Variants in CHCHD6 observed in about 807,000 individuals in gnomAD.
CHCHD6 encodes coiled-coil-helix-coiled-coil-helix domain containing 6, also known as MICOS complex subunit MIC25.
A neutral mutation model predicts 32.3 loss-of-function variants in CHCHD6; 28 were observed. The observed-to-expected ratio is 0.87, with a 90% confidence interval of 0.64 to 1.19. The LOEUF (loss-of-function observed/expected upper bound fraction) is 1.19. CHCHD6 is among the 50% of genes most tolerant of loss of function. The pLI is 0.00. For synonymous variants in CHCHD6, 122 were observed against 117.5 expected (o/e 1.04, Z -0.25); for missense variants, 333 against 307.0 (o/e 1.08, Z -0.63).
intron 4 of CHCHD6, among the ~76,000 whole-genome samples, chr3:126,838,003 G>A (rs74795046): frequency 0.018 from 2,744 of 152,294 alleles, 30 homozygotes; most frequent in Middle Eastern, 0.051. Flanking sequence ...TCCCAGCCAT[G>A]GGCACCATGT....
intron 5 of CHCHD6, among the ~76,000 whole-genome samples, chr3:126,863,293 ACCTCCT>A (rs1204625102): frequency 5.6e-5 from 6 of 106,200 alleles, no homozygotes; most frequent in African/African-American, 7.7e-5. Context: ...CATCATCACC[ACCTCCT>A]CCTCCTCCTC....
At chr3:126,955,067 T>C (rs541342447) in intron 6 of CHCHD6, among the ~76,000 whole-genome samples, 1 of 152,340 alleles carries the variant, frequency 6.6e-6, no homozygotes, top group South Asian at 2.1e-4. Flanking sequence ...AAGCTGTATG[T>C]GCAGTCCCTG....
chr3:126,960,145 G>A (rs2078840478), intron 7 of CHCHD6, 51 bp from the exon 8 acceptor site: 1 of 1,550,948 alleles, frequency 6.4e-7, no homozygotes, highest in Non-Finnish European at 8.7e-7. Flanking sequence ...CGGAGCTGGA[G>A]GGCATGGGCG....
intron 5 of CHCHD6, among the ~76,000 whole-genome samples, chr3:126,893,058 A>G (rs1480018709): frequency 3.3e-5 from 5 of 151,816 alleles, no homozygotes. Flanking sequence ...AACGTCCACC[A>G]CCTGGGTTCA....
At chr3:126,867,196 T>A (rs868816034) in intron 5 of CHCHD6, among the ~76,000 whole-genome samples, 1 of 152,182 alleles carries the variant, frequency 6.6e-6, no homozygotes, top group South Asian at 2.1e-4. Context: ...GAGGTGAAAT[T>A]GTCATGCAAG....
intron 4 of CHCHD6, among the ~76,000 whole-genome samples, chr3:126,822,664 CT>C (rs1300968778): frequency 6.6e-6 from 1 of 152,214 alleles, no homozygotes; most frequent in African/African-American, 2.4e-5. Context: ...TTAAATCTTT[CT>C]CATTTAGGTC....
chr3:126,713,973 A>G (rs2107650994), intron 1 of CHCHD6, among the ~76,000 whole-genome samples: 1 of 146,524 alleles, frequency 6.8e-6, no homozygotes, highest in African/African-American at 2.5e-5. Context: ...GCTACTTGGG[A>G]GGCTGAGGCA....
At chr3:126,826,618 A>G (rs1940403962) in intron 4 of CHCHD6, among the ~76,000 whole-genome samples, 1 of 152,086 alleles carries the variant, frequency 6.6e-6, no homozygotes, top group South Asian at 2.1e-4. Context: ...AGGCATCATT[A>G]TTTCCCTGAG....
At chr3:126,756,774 C>T (rs1358339084) in intron 4 of CHCHD6, among the ~76,000 whole-genome samples, 1 of 152,182 alleles carries the variant, frequency 6.6e-6, no homozygotes, top group Non-Finnish European at 1.5e-5. Context: ...TACAGCAGAA[C>T]AGAACAAAGC....
At chr3:126,786,397 C>T (rs570232017) in intron 4 of CHCHD6, among the ~76,000 whole-genome samples, 5 of 152,270 alleles carry the variant, frequency 3.3e-5, no homozygotes, top group Admixed American at 2.0e-4. Flanking sequence ...CCTGAGGAAT[C>T]GCCACACTGA....
At chr3:126,933,841 G>A (rs144172705) in intron 6 of CHCHD6, among the ~76,000 whole-genome samples, 2 of 152,238 alleles carry the variant, frequency 1.3e-5, no homozygotes, top group East Asian at 3.9e-4. Context: ...TAGAAAATTT[G>A]ATGTTTTTAT....
rs1220655145 is a variant in CHCHD6 at position 126,828,196 on chromosome 3, G to A, written c.412-24451G>A. 5.3e-5 allele frequency among the ~76,000 whole-genome samples: 8 copies of A among 152,146 alleles called. No homozygotes were observed. In the East Asian group the frequency reaches 1.5e-3, roughly 29 times the overall value. On this transcript the variant is annotated intron_variant, in intron 4 of 7. Transcript: ENST00000290913. ...CCTGGAAATTTCATCTTACCTCGTG[G>A]TTTCAGTTATCTTCTGTAAGCTAAG...
At chr3:126,734,321 C>T (rs967623784) in intron 4 of CHCHD6, among the ~76,000 whole-genome samples, 3 of 152,202 alleles carry the variant, frequency 2.0e-5, no homozygotes, top group Non-Finnish European at 4.4e-5. Context: ...CATCTAATAA[C>T]ATCTGCTGGA....
At chr3:126,765,858 T>C (rs1449717815) in intron 4 of CHCHD6, among the ~76,000 whole-genome samples, 2 of 152,126 alleles carry the variant, frequency 1.3e-5, no homozygotes, top group Non-Finnish European at 2.9e-5. Flanking sequence ...ACACTGCAGA[T>C]TATAGGCAGC....
At chr3:126,844,917 AGGAAT>A (rs1941241873) in intron 4 of CHCHD6, among the ~76,000 whole-genome samples, 1 of 152,232 alleles carries the variant, frequency 6.6e-6, no homozygotes, top group South Asian at 2.1e-4. Context: ...CCATGAGCCA[AGGAAT>A]GGGGGTAGCC....
chr3:126,724,228 G>A lies in CHCHD6; in HGVS notation c.88-2850G>A, dbSNP rs919813409. 3.9e-5 allele frequency among the ~76,000 whole-genome samples: 6 copies of A among 152,180 alleles called. No homozygotes were observed. In the South Asian group the frequency reaches 6.2e-4, roughly 16 times the overall value. ...TAGTACTTCTCTGAGAAGCACATGTGTGTTGTCAGGGGGCTCAGAGGAAGG... is the reference window on the plus strand; with the variant it reads ...TAGTACTTCTCTGAGAAGCACATGTATGTTGTCAGGGGGCTCAGAGGAAGG... On this transcript the variant is annotated intron_variant, in intron 1 of 7. Transcript: ENST00000290913.
intron 5 of CHCHD6, among the ~76,000 whole-genome samples, chr3:126,881,970 C>A (rs1357574019): frequency 1.3e-5 from 2 of 152,168 alleles, no homozygotes; most frequent in Non-Finnish European, 2.9e-5. Context: ...AAACAAGGGT[C>A]TCAGTTCCTT....
chr3:126,937,426 A>G (rs1413605017), intron 6 of CHCHD6, among the ~76,000 whole-genome samples: 1 of 152,046 alleles, frequency 6.6e-6, no homozygotes, highest in African/African-American at 2.4e-5. Context: ...TACGTCTCTC[A>G]GGACTGGTGC....
intron 1 of CHCHD6, among the ~76,000 whole-genome samples, chr3:126,719,736 G>T (rs1483827624): frequency 6.6e-6 from 1 of 152,176 alleles, no homozygotes; most frequent in East Asian, 1.9e-4. Context: ...TTTCAGTGCT[G>T]TTGCTCACTG....
Sources: allele counts gnomAD v4.1 joint callset (sites outside exome capture counted in the v4.1 genomes callset), GRCh38; gene constraint gnomAD v4.1.1; transcripts MANE v1.5; gene names NCBI Gene and HGNC (gene_info 2026-07-23, HGNC 2026-07-21).